PBX3: variants seen among roughly 807,000 people sequenced by gnomAD.
PBX3 encodes the protein pre-B-cell leukemia transcription factor 3.
A neutral mutation model predicts 48.5 loss-of-function variants in PBX3; 14 were observed. That is an observed-to-expected ratio of 0.29 (90% CI 0.19 to 0.45). The LOEUF is 0.45. Ranked by LOEUF, PBX3 falls within the 20% of genes least tolerant of loss-of-function variation. The pLI is 1.00. For missense variants in PBX3, 386 were observed against 546.7 expected (o/e 0.71, Z 2.93); for synonymous variants, 210 against 200.3 (o/e 1.05, Z -0.41).
intron 2 of PBX3, among the ~76,000 whole-genome samples, chr9:125,818,343 T>TA (rs1016711084): frequency 2.4e-4 from 37 of 151,306 alleles, no homozygotes; most frequent in African/African-American, 8.5e-4. Context: ...TTTTTTTTTT[T>TA]AATTTGAGAC....
intron 2 of PBX3, among the ~76,000 whole-genome samples, chr9:125,780,681 G>A (rs1383613181): frequency 7.4e-6 from 1 of 135,546 alleles, no homozygotes; most frequent in East Asian, 2.5e-4. Flanking sequence ...GCGGCTGGCC[G>A]GGCGGGGGGC....
intron 2 of PBX3, among the ~76,000 whole-genome samples, chr9:125,812,454 CTTTG>C (rs1422782842): frequency 8.5e-5 from 13 of 152,260 alleles, no homozygotes; most frequent in Admixed American, 5.9e-4. Flanking sequence ...ACTGGATTTG[CTTTG>C]TTTCTTTTCC....
chr9:125,950,470 AATTTGC>A (rs1330751297), intron 5 of PBX3, among the ~76,000 whole-genome samples: 1 of 146,554 alleles, frequency 6.8e-6, no homozygotes, highest in Non-Finnish European at 1.5e-5. Context: ...AGTTGTTATA[AATTTGC>A]AACTTCTTTT....
At chr9:125,780,078 T>G (rs1588138329) in intron 2 of PBX3, among the ~76,000 whole-genome samples, 1 of 105,276 alleles carries the variant, frequency 9.5e-6, no homozygotes, top group Non-Finnish European at 1.9e-5. Flanking sequence ...CCCCCCCACC[T>G]CCCTCCCGGA....
At chr9:125,936,748 A>T (rs1437187708) in intron 5 of PBX3, among the ~76,000 whole-genome samples, 1 of 152,198 alleles carries the variant, frequency 6.6e-6, no homozygotes, top group African/African-American at 2.4e-5. Flanking sequence ...CATTTCTCTT[A>T]TGAAATGGTA....
chr9:125,765,430 G>A (rs922957832), intron 2 of PBX3, among the ~76,000 whole-genome samples: 8 of 152,104 alleles, frequency 5.3e-5, no homozygotes, highest in African/African-American at 1.2e-4. Context: ...GATTACAGGC[G>A]TGAGGCACAG....
chr9:125,936,434 T>G (rs940911400), intron 5 of PBX3, among the ~76,000 whole-genome samples: 23 of 152,326 alleles, frequency 1.5e-4, no homozygotes, highest in African/African-American at 5.3e-4. Flanking sequence ...CAACCAGTTT[T>G]TGTAGTGAAA....
At chr9:125,838,888 A>AT (rs1839212940) in intron 2 of PBX3, among the ~76,000 whole-genome samples, 1 of 152,178 alleles carries the variant, frequency 6.6e-6, no homozygotes, top group Admixed American at 6.5e-5. Context: ...AAAGGAGTGG[A>AT]TTTTTGGAAG....
intron 2 of PBX3, among the ~76,000 whole-genome samples, chr9:125,832,506 A>G (rs1838995752): frequency 6.6e-6 from 1 of 152,194 alleles, no homozygotes; most frequent in African/African-American, 2.4e-5. Context: ...AATGGTTTTC[A>G]GATAACAATT....
chr9:125,870,024 ATCT>A (rs1331105446), intron 2 of PBX3, among the ~76,000 whole-genome samples: 42 of 149,018 alleles, frequency 2.8e-4, no homozygotes, highest in African/African-American at 9.9e-4. Flanking sequence ...CGAAAGGCAC[ATCT>A]TTTTTTTTTT....
At chr9:125,781,165 A>G (rs1045559095) in intron 2 of PBX3, among the ~76,000 whole-genome samples, 1 of 150,604 alleles carries the variant, frequency 6.6e-6, no homozygotes. Flanking sequence ...AGGCCAAGGC[A>G]GGCGGCTGGG....
chr9:125,784,392 G>A (rs1398724501), intron 2 of PBX3, among the ~76,000 whole-genome samples: 7 of 152,194 alleles, frequency 4.6e-5, no homozygotes, highest in African/African-American at 1.7e-4. Context: ...GCCTCTTAAA[G>A]TGCTGGGATT....
chr9:125,801,350 A>G (rs1837939154), intron 2 of PBX3, among the ~76,000 whole-genome samples: 1 of 152,194 alleles, frequency 6.6e-6, no homozygotes, highest in African/African-American at 2.4e-5. Context: ...AAGACACAGC[A>G]CTGTTTATTC....
chr9:125,748,745 T>A, intron 2 of PBX3, 122 bp downstream of exon 2: 1 of 661,210 alleles, frequency 1.5e-6, no homozygotes, highest in Non-Finnish European at 2.7e-6. Flanking sequence ...CATTCTCTCC[T>A]TCCCACGTCC....
At chr9:125,919,965 A>G (rs1157876859) in intron 3 of PBX3, among the ~76,000 whole-genome samples, 2 of 152,150 alleles carry the variant, frequency 1.3e-5, no homozygotes, top group Non-Finnish European at 2.9e-5. Context: ...TTCTTTTATC[A>G]TATGTCTCTA....
chr9:125,926,429 G>A (rs1001406829), intron 3 of PBX3, among the ~76,000 whole-genome samples: 1 of 151,174 alleles, frequency 6.6e-6, no homozygotes, highest in Non-Finnish European at 1.5e-5. Flanking sequence ...CTGAGGCACG[G>A]GAATCACTCA....
At chr9:125,936,157 A>T (rs1488067147) in intron 5 of PBX3, among the ~76,000 whole-genome samples, 1 of 152,188 alleles carries the variant, frequency 6.6e-6, no homozygotes. Flanking sequence ...TGGGGTTTTT[A>T]AAAAAATGTT....
chr9:125,772,814 C>A (rs1836974757), intron 2 of PBX3, among the ~76,000 whole-genome samples: 1 of 152,226 alleles, frequency 6.6e-6, no homozygotes, highest in East Asian at 1.9e-4. Flanking sequence ...AGCCTATAAT[C>A]TCAGCACTTT....
At chr9:125,853,475 CA>C (rs1394243187) in intron 2 of PBX3, among the ~76,000 whole-genome samples, 5 of 152,028 alleles carry the variant, frequency 3.3e-5, no homozygotes, top group African/African-American at 9.7e-5. Flanking sequence ...ATCATTTTTA[CA>C]AAAAGAAGAA....
Sources: allele counts gnomAD v4.1 joint callset (sites outside exome capture counted in the v4.1 genomes callset), GRCh38; gene constraint gnomAD v4.1.1; transcripts MANE v1.5; gene names NCBI Gene and HGNC (gene_info 2026-07-23, HGNC 2026-07-21).